The following RREB1 variants were observed in gnomAD, a reference collection of about 807,000 sequenced individuals.
RREB1 encodes the protein ras responsive element binding protein 1, also known as ras-responsive element-binding protein 1.
In RREB1, 27 loss-of-function variants were observed where a neutral mutation model predicts 117.8. The ratio of observed to expected loss-of-function variants is 0.23; its 90% CI spans 0.17 to 0.32. RREB1 has a LOEUF of 0.32. Among genes scored for constraint, RREB1 ranks in the 10% least tolerant of loss-of-function variants. The probability of loss-of-function intolerance (pLI) is 1.00; values close to 1 mark genes in which losing one functional copy is unlikely to be tolerated. For missense variants in RREB1, 2,577 were observed against 2,378.2 expected (o/e 1.08, Z -1.74); for synonymous variants, 1,298 against 1,026.7 (o/e 1.26, Z -5.05).
At chr6:7,126,139 T>C (rs545225690) in intron 1 of RREB1, among the ~76,000 whole-genome samples, 7 of 152,112 alleles carry the variant, frequency 4.6e-5, no homozygotes, top group South Asian at 2.1e-4. Context: ...GTAGCTGGGA[T>C]TACAGGTGCG....
chr6:7,167,811 A>G (rs983149342), intron 1 of RREB1, among the ~76,000 whole-genome samples: 33 of 152,188 alleles, frequency 2.2e-4, no homozygotes, highest in Admixed American at 1.2e-3. Context: ...GGATGCCACA[A>G]TGTTTGTAAA....
At chr6:7,127,888 C>T (rs528764997) in intron 1 of RREB1, among the ~76,000 whole-genome samples, 1 of 152,174 alleles carries the variant, frequency 6.6e-6, no homozygotes, top group South Asian at 2.1e-4. Context: ...GATCCACCCC[C>T]TTCACTGCAG....
chr6:7,119,306 T>A (rs1044761757), intron 1 of RREB1, among the ~76,000 whole-genome samples: 4 of 152,132 alleles, frequency 2.6e-5, no homozygotes, highest in African/African-American at 9.6e-5. Context: ...GCTGAGATCG[T>A]GCTACTGCGT....
intron 1 of RREB1, among the ~76,000 whole-genome samples, chr6:7,109,747 G>A (rs1394877523): frequency 6.6e-6 from 1 of 152,220 alleles, no homozygotes; most frequent in Non-Finnish European, 1.5e-5. Context: ...ATTCCATTAC[G>A]AAATTCTACA....
At position 7,246,912 on chromosome 6, in the gene RREB1, G is replaced by A; in HGVS notation, c.4462G>A (p.Glu1488Lys). 3.2e-6 allele frequency: 5 copies of A among 1,554,980 alleles called. No individual in the cohort carries two copies. Among genetic ancestry groups the A allele is most frequent in the Non-Finnish European group, 3.5e-6 (4 of 1,150,054 alleles). The change falls in exon 12 of 13, where the codon GAG becomes AAG. Residue 1488 changes from glutamate to lysine, a missense_variant. Transcript: ENST00000379938. Reference sequence around the variant, plus strand: ...GGGAGATGGCGCCAGCACTGCAGAGGAGGGGCCCCAGCCCGCCCCTGAACA... The same window carrying A: ...GGGAGATGGCGCCAGCACTGCAGAGAAGGGGCCCCAGCCCGCCCCTGAACA... The part of the protein sequence containing the change: ...EKGDGASTAE[E>K]GPQPAPEQEE...
rs1003190612 is a variant in RREB1, at chr6:7,229,669, C to G, written c.1570C>G (p.Pro524Ala). Residue 524 changes from proline to alanine, a missense_variant, in exon 10 of 13, where the codon CCC becomes GCC. By Grantham distance (27) the Pro-to-Ala change is conservative (BLOSUM62 -1). Coordinates refer to ENST00000379938, the MANE Select transcript of RREB1 (RefSeq NM_001003699.4). This position sits in a 1 kb window ranked among gnomAD's most constrained non-coding sequence, Gnocchi z 4.5. ...TPRTVVATST[P>A]PPLINAQQAS... ...ACGGACGGTGGTGGCCACCTCCACG[C>G]CCCCGCCTCTCATCAACGCCCAGCA... 6.2e-7 allele frequency: 1 copy of G among 1,611,768 alleles called. No individual in the cohort carries two copies. The highest frequency in any genetic ancestry group is 8.5e-7 in the Non-Finnish European group (1 of 1,179,264).
intron 12 of RREB1, among the ~76,000 whole-genome samples, chr6:7,247,969 G>A (rs571340828): frequency 6.6e-6 from 1 of 152,340 alleles, no homozygotes; most frequent in Non-Finnish European, 1.5e-5. Flanking sequence ...GCTCTGCCCT[G>A]CGCTTGCCCG....
In RREB1 at chr6:7,230,010, C is replaced by T. The variant is rs746333843; in HGVS notation, c.1911C>T (p.Ala637=). The change falls in exon 10 of 13, where the codon GCC becomes GCT. Residue 637 remains alanine, a synonymous_variant. Coordinates refer to ENST00000379938, the MANE Select transcript of RREB1 (RefSeq NM_001003699.4). ...CGCCCGGCGGCAAGAAGACGCCCGC[C>T]ATGCGCAAGGTGCTCTACCCCTGCC... is the stretch of plus-strand genomic sequence containing the variant. ...MTAPGGKKTP[A]MRKVLYPCRF... is the part of the protein sequence containing the mutation. The T allele has an allele frequency of 6.2e-7, 1 of 1,608,896 alleles. No homozygotes were observed. The highest frequency in any genetic ancestry group is 8.5e-7 in the Non-Finnish European group (1 of 1,176,416).
chr6:7,242,808 C>G (rs1768797619), intron 11 of RREB1, among the ~76,000 whole-genome samples: 1 of 151,660 alleles, frequency 6.6e-6, no homozygotes, highest in Admixed American at 6.6e-5. Flanking sequence ...TAATGTAGGT[C>G]TGACATTTTT....
chr6:7,192,877 G>C (rs1019904988), intron 6 of RREB1, among the ~76,000 whole-genome samples: 1 of 152,244 alleles, frequency 6.6e-6, no homozygotes, highest in East Asian at 1.9e-4. Context: ...AAAGTATAAG[G>C]CTGGATTATT....
intron 11 of RREB1, 128 bp from the exon 12 acceptor site, chr6:7,246,296 G>GAAAA: frequency 1.3e-6 from 1 of 776,346 alleles, no homozygotes. Flanking sequence ...GATTTGGGCC[G>GAAAA]AAAGAAGTCC....
rs185093769 is a variant in RREB1 at position 7,220,877 on chromosome 6, G to A, written c.708-5590G>A. On this transcript the variant is annotated intron_variant, in intron 8 of 12. Transcript: ENST00000379938. ...CCTGGCCAGTGGCTGTGGTCTTAAT[G>A]GAGATTGACAAGCCCAAAGGAGGTT... 1.3e-4 allele frequency among the ~76,000 whole-genome samples: 20 copies of A among 152,340 alleles called. 1 individual carries two copies. The highest frequency in any genetic ancestry group is 4.1e-4 in the African/African-American group (17 of 41,576).
intron 1 of RREB1, among the ~76,000 whole-genome samples, chr6:7,173,824 C>G (rs1276867447): frequency 6.6e-6 from 1 of 152,086 alleles, no homozygotes; most frequent in Non-Finnish European, 1.5e-5. Context: ...GGAAAGAAAC[C>G]CTCGGGTTTT....
intron 1 of RREB1, among the ~76,000 whole-genome samples, chr6:7,141,110 G>C (rs1197081693): frequency 2.0e-5 from 3 of 152,210 alleles, no homozygotes; most frequent in Non-Finnish European, 4.4e-5. Context: ...CCGCGTCAGG[G>C]CTCCACGGCC....
At chr6:7,183,315 A>G (rs1729232467) in intron 4 of RREB1, 1 of 152,202 alleles carries the variant, frequency 6.6e-6, no homozygotes, top group Non-Finnish European at 1.5e-5. Context: ...CTCTGAGAAG[A>G]AAAGGTTTAT....
intron 6 of RREB1, 24 bp downstream of exon 6, chr6:7,189,346 G>T (rs371628259): frequency 1.9e-5 from 30 of 1,547,308 alleles, no homozygotes; most frequent in African/African-American, 2.7e-5. Flanking sequence ...CCCTTTGCTT[G>T]GGGGGTTGGC....
intron 1 of RREB1, among the ~76,000 whole-genome samples, chr6:7,147,829 T>G (rs1320711830): frequency 6.6e-6 from 1 of 152,078 alleles, no homozygotes; most frequent in Non-Finnish European, 1.5e-5. Context: ...AGTTAAAACT[T>G]CCTCAGAAAC....
chr6:7,226,447 T>G lies in RREB1; in HGVS notation c.708-20T>G, dbSNP rs749244598. 5.7e-6 allele frequency: 9 copies of G among 1,590,174 alleles called. No individual in the cohort carries two copies. The highest frequency in any genetic ancestry group is 7.7e-6 in the Non-Finnish European group (9 of 1,165,156). On this transcript the variant is annotated intron_variant, in intron 8 of 12. Transcript: ENST00000379938. ...ATGCTCTCCCTTTCTGCCTCATATG[T>G]TCTCCCTTTCCTCTCCTAGATGTGA...
rs1767845913 is a variant in RREB1 at position 7,230,283 on chromosome 6, G to A, written c.2184G>A (p.Lys728=). Residue 728 remains lysine (K), a synonymous_variant, in exon 10 of 13, where the codon AAG becomes AAA. Coordinates refer to ENST00000379938, the MANE Select transcript of RREB1 (RefSeq NM_001003699.4). ...LRKKHLKATR[K]DIEKNIEYVS... is the part of the protein sequence containing the mutation. Reference sequence around the variant, plus strand: ...AGAAGCACCTCAAGGCCACCCGCAAGGATATCGAGAAGAACATCGAGTATG... The same window carrying A: ...AGAAGCACCTCAAGGCCACCCGCAAAGATATCGAGAAGAACATCGAGTATG... The A allele has an allele frequency of 6.3e-7, 1 of 1,596,428 alleles. No individual in the cohort carries two copies. The highest frequency in any genetic ancestry group is 2.2e-5 in the East Asian group (1 of 44,800).
Sources: allele counts gnomAD v4.1 joint callset (sites outside exome capture counted in the v4.1 genomes callset), GRCh38; gene constraint gnomAD v4.1.1; non-coding constraint Gnocchi (gnomAD v3.1); transcripts MANE v1.5; gene names NCBI Gene and HGNC (gene_info 2026-07-23, HGNC 2026-07-21).